SPTBN1: variants seen among roughly 807,000 people sequenced by gnomAD.
SPTBN1 encodes the protein spectrin beta, non-erythrocytic 1, also known as spectrin beta chain, non-erythrocytic 1.
Under a neutral mutation model 266.4 loss-of-function variants are expected in SPTBN1, and 32 were observed. The observed-to-expected ratio is 0.12, with a 90% CI of 0.09 to 0.16. SPTBN1 has a LOEUF of 0.16. SPTBN1 is among the 10% of genes least tolerant of loss of function. The probability of loss-of-function intolerance (pLI) is 1.00; values close to 1 mark genes in which losing one functional copy is unlikely to be tolerated. For synonymous variants in SPTBN1, 1,336 were observed against 1,162.2 expected (o/e 1.15, Z -3.04); for missense variants, 2,296 against 3,067.1 (o/e 0.75, Z 5.94).
chr2:54,541,222 C>G (rs970330697), intron 2 of SPTBN1, among the ~76,000 whole-genome samples: 1 of 152,200 alleles, frequency 6.6e-6, no homozygotes, highest in Non-Finnish European at 1.5e-5. Context: ...TTATATGTCT[C>G]TACTATGAAC....
At chr2:54,513,575 T>A (rs890480034) in intron 1 of SPTBN1, among the ~76,000 whole-genome samples, 2 of 152,208 alleles carry the variant, frequency 1.3e-5, no homozygotes, top group African/African-American at 4.8e-5. Flanking sequence ...TATACTCTAA[T>A]GTAATTTAAA....
At chr2:54,515,555 A>G (rs1670068373) in intron 1 of SPTBN1, among the ~76,000 whole-genome samples, 1 of 151,802 alleles carries the variant, frequency 6.6e-6, no homozygotes, top group African/African-American at 2.4e-5. Flanking sequence ...TTTTTGTGAC[A>G]GGGTCTTGCT....
rs753722190 is a variant in SPTBN1 at position 54,648,993 on chromosome 2, A to G, written c.5005A>G (p.Ile1669Val). 3.7e-6 allele frequency: 6 copies of G among 1,608,738 alleles called. No individual in the cohort carries two copies. Among genetic ancestry groups the G allele is most frequent in the African/African-American group, 1.3e-5 (1 of 74,868 alleles). ...VADSHPESER[I>V]SMRQSKVDKL... ...GCTCCTTTTCTTTTTCAGTGAGCGCATTAGCATGCGGCAGTCCAAAGTGGA... is the reference window on the plus strand; with the variant it reads ...GCTCCTTTTCTTTTTCAGTGAGCGCGTTAGCATGCGGCAGTCCAAAGTGGA... Residue 1669 changes from isoleucine to valine, a missense_variant, in exon 25 of 36, where the codon ATT (isoleucine) becomes GTT (valine). By Grantham distance (29) the Ile-to-Val change is conservative. This residue lies in a region of SPTBN1 where 644 missense variants were observed against 745.3 expected (regional missense o/e 0.86). Coordinates refer to ENST00000356805, the MANE Select transcript of SPTBN1 (RefSeq NM_003128.3).
At chr2:54,557,676 CT>C in intron 2 of SPTBN1, 2 of 978,188 alleles carry the variant, frequency 2.0e-6, no homozygotes, top group Non-Finnish European at 2.4e-6. Context: ...ACCTGTGTAC[CT>C]TTTTCCCACA....
intron 35 of SPTBN1, 30 bp downstream of exon 35, chr2:54,667,676 T>TACTTAGGAGTTTGCA: frequency 6.2e-7 from 1 of 1,601,330 alleles, no homozygotes; most frequent in South Asian, 1.1e-5. Context: ...TTCTCTCCAC[T>TACTTAGGAGTTTGCA]ACTTAGGAGT....
At chr2:54,503,940 C>G (rs1210955984) in intron 1 of SPTBN1, among the ~76,000 whole-genome samples, 1 of 152,174 alleles carries the variant, frequency 6.6e-6, no homozygotes, top group Non-Finnish European at 1.5e-5. Flanking sequence ...CCATATTCTG[C>G]AGCCTTCAGG....
chr2:54,642,061 G>A (rs1459366591), intron 18 of SPTBN1, among the ~76,000 whole-genome samples: 1 of 152,182 alleles, frequency 6.6e-6, no homozygotes, highest in Admixed American at 6.5e-5. Context: ...GCATTCTTTT[G>A]TGTATCTTCA....
intron 2 of SPTBN1, among the ~76,000 whole-genome samples, chr2:54,551,847 T>C (rs1672584107): frequency 6.6e-6 from 1 of 152,166 alleles, no homozygotes; most frequent in Non-Finnish European, 1.5e-5. Context: ...TCTTGTTATT[T>C]TGAGTCCTGA....
At chr2:54,539,403 A>G (rs749830547) in intron 2 of SPTBN1, among the ~76,000 whole-genome samples, 10 of 152,246 alleles carry the variant, frequency 6.6e-5, no homozygotes, top group Non-Finnish European at 1.5e-4. Context: ...TGTACATTAC[A>G]GTGCATGCAT....
At chr2:54,490,614 G>A (rs570920336) in intron 1 of SPTBN1, among the ~76,000 whole-genome samples, 44 of 152,102 alleles carry the variant, frequency 2.9e-4, no homozygotes, top group Non-Finnish European at 5.3e-4. Flanking sequence ...CCTTAGTAGC[G>A]GACATGCTTT....
intron 1 of SPTBN1, among the ~76,000 whole-genome samples, chr2:54,479,173 A>C (rs1486505591): frequency 3.3e-5 from 5 of 152,238 alleles, no homozygotes; most frequent in Non-Finnish European, 5.9e-5. Flanking sequence ...GTGAAGGCTG[A>C]CTGCAGAGTC....
At position 54,540,085 on chromosome 2, in the gene SPTBN1, G is replaced by C. The variant is rs1671846131; in HGVS notation, c.148+13519G>C. ...ATGGCTGTCTGTAAACCAGGAAGAG[G>C]TCCTTCACCAAGAACCCAACCATGC... On this transcript the variant is annotated intron_variant, in intron 2 of 35. Transcript: ENST00000356805. This position sits in a 1 kb window ranked among gnomAD's most constrained non-coding sequence, Gnocchi z 5.6. Among the ~76,000 whole-genome samples, 1 of 152,114 alleles carries C rather than the reference G, an allele frequency of 6.6e-6. No individual in the cohort carries two copies. Among genetic ancestry groups the C allele is most frequent in the Non-Finnish European group, 1.5e-5 (1 of 68,022 alleles).
At chr2:54,555,488 G>A (rs934128803) in intron 2 of SPTBN1, among the ~76,000 whole-genome samples, 1 of 152,150 alleles carries the variant, frequency 6.6e-6, no homozygotes, top group Non-Finnish European at 1.5e-5. Flanking sequence ...TTTTACGTCA[G>A]CCCATTCTTT....
At position 54,629,304 on chromosome 2, in the gene SPTBN1, G is replaced by C; in HGVS notation, c.2170G>C (p.Glu724Gln). 1 of 1,614,046 alleles carries C rather than the reference G, an allele frequency of 6.2e-7. No individual in the cohort carries two copies. Among genetic ancestry groups the C allele is most frequent in the Non-Finnish European group, 8.5e-7 (1 of 1,180,038 alleles). Reference sequence around the variant, plus strand: ...CCGTGAGAGGATCATTTACATCCGGGAGCAGTGGGCCAACCTAGAGCAGCT... The same window carrying C: ...CCGTGAGAGGATCATTTACATCCGGCAGCAGTGGGCCAACCTAGAGCAGCT... ...KIRERIIYIR[E>Q]QWANLEQLSA... is the part of the protein sequence containing the mutation. The change falls in exon 14 of 36, where the codon GAG becomes CAG. Residue 724 changes from glutamate (E) to glutamine (Q), a missense_variant. Physicochemically the swap from Glu to Gln is conservative, Grantham distance 29. Transcript: ENST00000356805.
At position 54,668,432 on chromosome 2, in the gene SPTBN1, A is replaced by C. The variant is rs1681522180; in HGVS notation, c.6958A>C (p.Thr2320Pro). ...CGAGGTGTCTGCCAGCACCCAGAGC[A>C]CGCCAGCATCCAGCCGCGCGCAGAC... ...KHEVSASTQS[T>P]PASSRAQTLP... The change falls in exon 36 of 36, where the codon ACG becomes CCG. Residue 2320 changes from threonine to proline, a missense_variant. Thr to Pro is a conservative substitution (Grantham distance 38). This residue lies in a region of SPTBN1 where 347 missense variants were observed against 368.5 expected (regional missense o/e 0.94). Transcript: ENST00000356805. 1 of 1,614,054 alleles carries C rather than the reference A, an allele frequency of 6.2e-7. No individual in the cohort carries two copies. The highest frequency in any genetic ancestry group is 8.5e-7 in the Non-Finnish European group (1 of 1,180,046).
intron 2 of SPTBN1, among the ~76,000 whole-genome samples, chr2:54,578,108 G>T (rs113045251): frequency 6.6e-6 from 1 of 152,144 alleles, no homozygotes; most frequent in East Asian, 1.9e-4. Context: ...TATTTTCCCA[G>T]TATATGAAAT....
At position 54,558,571 on chromosome 2, in the gene SPTBN1, G is replaced by A; in HGVS notation, c.148+32005G>A. ...CGGAAGAAGGGAAAGCAAGAAATTA[G>A]ATGCCTGTGTGGTAACTCCTCGCGG... On this transcript the variant is annotated intron_variant, in intron 2 of 35. Transcript: ENST00000356805. The surrounding 1 kb of genome is among the most constrained non-coding windows in gnomAD (Gnocchi z 4.6). The A allele has an allele frequency of 7.5e-7, 1 of 1,342,136 alleles. No individual in the cohort carries two copies. Among genetic ancestry groups the A allele is most frequent in the Non-Finnish European group, 9.6e-7 (1 of 1,043,950 alleles). The allele number at this position is 1,342,136 out of a possible 1,614,324, so 83.1% of individuals were successfully genotyped here. A position where few individuals can be genotyped will look rare whatever the true frequency, so the allele number is the denominator to read the frequency against.
chr2:54,565,319 A>C (rs1673592131), intron 2 of SPTBN1, among the ~76,000 whole-genome samples: 1 of 152,216 alleles, frequency 6.6e-6, no homozygotes. Flanking sequence ...GAGTTGGGGG[A>C]AAATATGTTT....
rs749233132 is a variant in SPTBN1, at chr2:54,665,991, G to A, written c.6736G>A (p.Gly2246Arg). The change falls in exon 34 of 36, where the codon GGA (glycine) becomes AGA (arginine). Residue 2246 changes from glycine to arginine, a missense_variant. Gly to Arg is a moderately radical substitution (Grantham distance 125). Transcript: ENST00000356805. ...CAAAGATGCAAAGACTGCTGCTTCT[G>A]GAATTCCCTACCACAGCGAGGTCCC... ...FYKDAKTAAS[G>R]IPYHSEVPVS... is the part of the protein sequence containing the mutation. 5.6e-6 allele frequency: 9 copies of A among 1,614,010 alleles called. No homozygotes were observed. In the Admixed American group the frequency reaches 8.3e-5, roughly 15 times the overall value.
Sources: allele counts gnomAD v4.1 joint callset (sites outside exome capture counted in the v4.1 genomes callset), GRCh38; gene constraint gnomAD v4.1.1; regional missense constraint gnomAD v4.1.1; non-coding constraint Gnocchi (gnomAD v3.1); transcripts MANE v1.5; gene names NCBI Gene and HGNC (gene_info 2026-07-23, HGNC 2026-07-21).